The following LRRTM4 variants were observed in gnomAD, a reference collection of about 807,000 sequenced individuals.
The protein encoded by LRRTM4 is leucine-rich repeat transmembrane neuronal protein 4.
A neutral mutation model predicts 47.6 loss-of-function variants in LRRTM4; 25 were observed. The observed-to-expected ratio is 0.53, with a 90% CI of 0.38 to 0.73. The LOEUF is 0.73. LRRTM4 is among the 30% of genes least tolerant of loss of function. The pLI, the probability that LRRTM4 is intolerant of heterozygous loss-of-function variation, is 0.00. For missense variants in LRRTM4, 638 were observed against 713.4 expected (o/e 0.89, Z 1.20); for synonymous variants, 311 against 269.5 (o/e 1.15, Z -1.51).
chr2:76,807,431 T>C (rs1304378872), intron 3 of LRRTM4, among the ~76,000 whole-genome samples: 2 of 94,706 alleles, frequency 2.1e-5, no homozygotes, highest in South Asian at 7.6e-4. Flanking sequence ...TATACATATA[T>C]ATATACGTAT....
At chr2:77,157,564 A>G (rs12617993) in intron 3 of LRRTM4, among the ~76,000 whole-genome samples, 35,108 of 152,008 alleles carry the variant, frequency 0.23, 4,840 homozygotes, top group Admixed American at 0.3. Context: ...ACGTATGAGT[A>G]TAGTTTTTTT....
chr2:76,958,573 C>G (rs1675753343), intron 3 of LRRTM4, among the ~76,000 whole-genome samples: 1 of 151,728 alleles, frequency 6.6e-6, no homozygotes, highest in South Asian at 2.1e-4. Context: ...TTTAGGTTCA[C>G]AGTGAGGCCC....
At chr2:76,780,449 T>A (rs986714377) in intron 3 of LRRTM4, among the ~76,000 whole-genome samples, 7 of 152,182 alleles carry the variant, frequency 4.6e-5, no homozygotes, top group African/African-American at 1.7e-4. Flanking sequence ...TCTTGGAGGC[T>A]TTGCTCATTT....
At chr2:77,409,900 C>T (rs2103856480) in intron 3 of LRRTM4, among the ~76,000 whole-genome samples, 1 of 152,252 alleles carries the variant, frequency 6.6e-6, no homozygotes, top group South Asian at 2.1e-4. Flanking sequence ...CACTTAACAT[C>T]ATGATGGGGA....
chr2:76,841,163 G>C (rs1402648452), intron 3 of LRRTM4, among the ~76,000 whole-genome samples: 1 of 151,276 alleles, frequency 6.6e-6, no homozygotes, highest in African/African-American at 2.4e-5. Context: ...TTCTCAGCAA[G>C]CTATCGCAAG....
intron 3 of LRRTM4, among the ~76,000 whole-genome samples, chr2:76,907,538 G>A (rs1296697081): frequency 2.3e-4 from 34 of 146,394 alleles, no homozygotes; most frequent in Non-Finnish European, 4.0e-4. Flanking sequence ...CCTTCAAAAA[G>A]TTAATGAATC....
At chr2:77,105,598 G>T (rs1258984746) in intron 3 of LRRTM4, among the ~76,000 whole-genome samples, 2 of 151,844 alleles carry the variant, frequency 1.3e-5, no homozygotes, top group Non-Finnish European at 2.9e-5. Context: ...AACATGGCAC[G>T]TGTATACATA....
intron 3 of LRRTM4, among the ~76,000 whole-genome samples, chr2:77,131,061 C>G (rs913379294): frequency 6.6e-6 from 1 of 150,412 alleles, no homozygotes; most frequent in Non-Finnish European, 1.5e-5. Flanking sequence ...GTCTCGATAT[C>G]CTGACCTCGT....
intron 3 of LRRTM4, among the ~76,000 whole-genome samples, chr2:77,372,136 G>A (rs529527101): frequency 1.1e-4 from 17 of 151,846 alleles, no homozygotes; most frequent in African/African-American, 3.9e-4. Flanking sequence ...TGGCAAACTT[G>A]TCTAACTTTG....
chr2:77,487,648 C>A (rs187128758), intron 3 of LRRTM4, among the ~76,000 whole-genome samples: 157 of 152,170 alleles, frequency 1.0e-3, no homozygotes, highest in African/African-American at 3.6e-3. Flanking sequence ...AGTGAAGCCC[C>A]ACCTTCAGGC....
intron 3 of LRRTM4, chr2:77,516,959 A>G: frequency 5.1e-6 from 5 of 984,946 alleles, no homozygotes; most frequent in Non-Finnish European, 6.0e-6. Context: ...AACTAGCATT[A>G]GAAAGGGCAA....
At chr2:77,383,740 A>C (rs1673151897) in intron 3 of LRRTM4, among the ~76,000 whole-genome samples, 1 of 152,090 alleles carries the variant, frequency 6.6e-6, no homozygotes, top group Admixed American at 6.6e-5. Context: ...AAGTTCACAC[A>C]GCTTATAAAT....
In LRRTM4 at chr2:77,306,897, A is replaced by ATTTTTTTTTTTTTTTTTTTTTT. The variant is rs774697360; in HGVS notation, c.1551+211420_1551+211421insAAAAAAAAAAAAAAAAAAAAAA. On this transcript the variant is annotated intron_variant, in intron 3 of 3. Transcript: ENST00000409884. ...AAATAGCTATATACTGCTTTTCCAT[A>ATTTTTTTTTTTTTTTTTTTTTT]TTTTTTTTTTTTTTTTTTTTGAGAT... Among the ~76,000 whole-genome samples the ATTTTTTTTTTTTTTTTTTTTTT allele has an allele frequency of 8.9e-5, 10 of 112,416 alleles. 1 individual carries two copies. The highest frequency in any genetic ancestry group is 3.9e-4 in the African/African-American group (9 of 23,136). 73.7% of individuals were successfully genotyped at this position (112,416 alleles called of 152,430 possible). A position where few individuals can be genotyped will look rare whatever the true frequency, so the allele number is the denominator to read the frequency against.
In LRRTM4 at chr2:77,000,718, G is replaced by C. The variant is rs141873295; in HGVS notation, c.1552-251802C>G. ...TTATAGAACTCAAGAGTAGTAGAAT[G>C]ACTAAAATTATTTTTGTCATTCCTA... On this transcript the variant is annotated intron_variant, in intron 3 of 3. Coordinates refer to ENST00000409884, the MANE Select transcript of LRRTM4 (RefSeq NM_001134745.3). 9.1e-3 allele frequency among the ~76,000 whole-genome samples: 1,390 copies of C among 152,224 alleles called. 9 individuals carry two copies. Among genetic ancestry groups the C allele is most frequent in the Non-Finnish European group, 0.014 (944 of 68,014 alleles).
intron 3 of LRRTM4, among the ~76,000 whole-genome samples, chr2:76,932,595 G>A (rs1674807276): frequency 1.3e-5 from 2 of 151,768 alleles, no homozygotes; most frequent in African/African-American, 2.4e-5. Flanking sequence ...TTTCATTCTT[G>A]TAAATAGAAA....
At chr2:76,755,327 C>T (rs1404579847) in intron 3 of LRRTM4, among the ~76,000 whole-genome samples, 1 of 152,112 alleles carries the variant, frequency 6.6e-6, no homozygotes, top group East Asian at 1.9e-4. Flanking sequence ...ACTTATTTTA[C>T]AACACTATTT....
chr2:77,312,765 A>C (rs1677493263), intron 3 of LRRTM4, among the ~76,000 whole-genome samples: 1 of 152,206 alleles, frequency 6.6e-6, no homozygotes, highest in Non-Finnish European at 1.5e-5. Flanking sequence ...TAAAAGAAAA[A>C]AAAAGCAAAT....
At chr2:77,093,625 C>T (rs2103893353) in intron 3 of LRRTM4, among the ~76,000 whole-genome samples, 1 of 152,010 alleles carries the variant, frequency 6.6e-6, no homozygotes, top group South Asian at 2.1e-4. Context: ...CACTTCAACA[C>T]TATTTTGTTT....
intron 3 of LRRTM4, among the ~76,000 whole-genome samples, chr2:77,137,212 G>A (rs192114268): frequency 3.3e-5 from 5 of 151,846 alleles, no homozygotes; most frequent in African/African-American, 9.7e-5. Flanking sequence ...AAAATGTTAA[G>A]GGCAGCCAGA....
Sources: allele counts gnomAD v4.1 joint callset (sites outside exome capture counted in the v4.1 genomes callset), GRCh38; gene constraint gnomAD v4.1.1; transcripts MANE v1.5; gene names NCBI Gene and HGNC (gene_info 2026-07-23, HGNC 2026-07-21).